Variants in RYK observed in about 807,000 individuals in gnomAD.
RYK encodes the protein receptor like tyrosine kinase.
Under a neutral mutation model 70.2 loss-of-function variants are expected in RYK, and 21 were observed. The ratio of observed to expected loss-of-function variants is 0.30; its 90% CI spans 0.21 to 0.43. The LOEUF (loss-of-function observed/expected upper bound fraction) is 0.43. Ranked by LOEUF, RYK falls within the 20% of genes least tolerant of loss-of-function variation. RYK has a pLI of 1.00. For synonymous variants in RYK, 267 were observed against 278.0 expected, an observed-to-expected ratio of 0.96 and a Z score of 0.39; for missense variants, 604 against 753.3, an observed-to-expected ratio of 0.80 and a Z score of 2.32.
chr3:134,202,682 A>G (rs776043774), intron 6 of RYK, 48 bp downstream of exon 6: 4 of 1,574,066 alleles, frequency 2.5e-6, no homozygotes, highest in African/African-American at 1.4e-5. Context: ...CCACATATAT[A>G]CAAATAACTG....
intron 5 of RYK, among the ~76,000 whole-genome samples, chr3:134,204,532 AAGAG>A (rs1029543394): frequency 2.6e-5 from 4 of 151,360 alleles, no homozygotes; most frequent in Admixed American, 6.6e-5. Context: ...ATATATAAAT[AAGAG>A]AGACAAAAAG....
intron 6 of RYK, among the ~76,000 whole-genome samples, chr3:134,196,094 G>T (rs62271183): frequency 0.27 from 40,503 of 151,866 alleles, 5,970 homozygotes; most frequent in Non-Finnish European, 0.33. Context: ...AATAATACAG[G>T]ACACCAAGAA....
chr3:134,242,981 G>A (rs1030710922), intron 1 of RYK, among the ~76,000 whole-genome samples: 2 of 152,180 alleles, frequency 1.3e-5, no homozygotes, highest in Non-Finnish European at 2.9e-5. Flanking sequence ...TTGCTGCAGA[G>A]TGCTAACCTC....
intron 13 of RYK, among the ~76,000 whole-genome samples, chr3:134,164,134 C>T (rs2012575935): frequency 1.3e-5 from 2 of 152,152 alleles, no homozygotes; most frequent in African/African-American, 2.4e-5. Context: ...CCATGACAGG[C>T]CTGGATCACA....
rs147542952 is a variant in RYK, at chr3:134,185,087, T to C, written c.1103-2016A>G. ...AGGTTGAGGCTGCAGTGAGCTATGA[T>C]TGTGCCACTGCACTCCAGCCTGGGT... On this transcript the variant is annotated intron_variant, in intron 9 of 14. Coordinates refer to ENST00000623711, the MANE Select transcript of RYK (RefSeq NM_002958.4). Among the ~76,000 whole-genome samples, 525 of 151,860 alleles carry C rather than the reference T, an allele frequency of 3.5e-3. 2 individuals are homozygous for C. The highest frequency in any genetic ancestry group is 0.012 in the African/African-American group (501 of 41,480).
At chr3:134,237,013 T>C (rs1174032105) in intron 1 of RYK, among the ~76,000 whole-genome samples, 1 of 152,196 alleles carries the variant, frequency 6.6e-6, no homozygotes, top group African/African-American at 2.4e-5. Flanking sequence ...TTAGAAAGCA[T>C]GGCATTTTTT....
chr3:134,221,196 CTTTTTTTTTTTTT>C (rs71139519), intron 2 of RYK, among the ~76,000 whole-genome samples: 21 of 78,588 alleles, frequency 2.7e-4, no homozygotes, highest in African/African-American at 1.1e-3. Context: ...AGTTCTTTTT[CTTTTTTTTTTTTT>C]TTTTTTTTTT....
Position 134,204,591 on chromosome 3 carries a change from CCACACACACACACACACACACA to C in RYK, c.644-1739_644-1718del, listed in dbSNP as rs59154111. Among the ~76,000 whole-genome samples the C allele has an allele frequency of 2.8e-5, 4 of 140,784 alleles. No homozygotes were observed. In the South Asian group the frequency reaches 9.5e-4, roughly 33 times the overall value. The allele number at this position is 140,784 out of a possible 152,430, so 92.4% of individuals were successfully genotyped here. A position where few individuals can be genotyped will look rare whatever the true frequency, so the allele number is the denominator to read the frequency against. ...AAATAACCCAATGACACAGCCACAG[CCACACACACACACACACACACA>C]CACACACACACACACGCAGAAGCAA... On this transcript the variant is annotated intron_variant, in intron 5 of 14. Coordinates refer to ENST00000623711, the MANE Select transcript of RYK (RefSeq NM_002958.4).
intron 1 of RYK, among the ~76,000 whole-genome samples, chr3:134,233,636 T>C (rs1358069678): frequency 6.6e-6 from 1 of 152,204 alleles, no homozygotes; most frequent in African/African-American, 2.4e-5. Flanking sequence ...CAGTTTATCT[T>C]TCTTTGGAGG....
At chr3:134,162,782 T>C (rs1412181842) in intron 13 of RYK, among the ~76,000 whole-genome samples, 1 of 152,092 alleles carries the variant, frequency 6.6e-6, no homozygotes, top group Non-Finnish European at 1.5e-5. Flanking sequence ...AGAAGGTAGT[T>C]CCCTGCACAG....
At chr3:134,184,556 C>T (rs1413892412) in intron 9 of RYK, among the ~76,000 whole-genome samples, 1 of 152,106 alleles carries the variant, frequency 6.6e-6, no homozygotes, top group Non-Finnish European at 1.5e-5. Context: ...AAGTCAGGAG[C>T]TCAAGATCAG....
At chr3:134,179,154 T>C (rs1011636217) in intron 10 of RYK, 1 of 152,166 alleles carries the variant, frequency 6.6e-6, no homozygotes, top group Non-Finnish European at 1.5e-5. Context: ...ATTTGCAAGA[T>C]AATTATAAAA....
At chr3:134,231,553 T>C (rs1279447148) in intron 1 of RYK, among the ~76,000 whole-genome samples, 1 of 152,232 alleles carries the variant, frequency 6.6e-6, no homozygotes, top group Non-Finnish European at 1.5e-5. Context: ...GACTTCAACT[T>C]GTGCTAGTAG....
chr3:134,205,346 T>TC (rs2014183806), intron 5 of RYK, among the ~76,000 whole-genome samples: 1 of 152,160 alleles, frequency 6.6e-6, no homozygotes, highest in South Asian at 2.1e-4. Context: ...AATTTAACCT[T>TC]CCTATCAACA....
intron 9 of RYK, among the ~76,000 whole-genome samples, chr3:134,188,174 T>A (rs1365276625): frequency 3.4e-5 from 5 of 148,076 alleles, no homozygotes; most frequent in Non-Finnish European, 6.0e-5. Flanking sequence ...TATATTTTTT[T>A]TTTTTTTTGA....
chr3:134,198,356 A>T (rs1341011510), intron 6 of RYK, among the ~76,000 whole-genome samples: 1 of 152,244 alleles, frequency 6.6e-6, no homozygotes, highest in African/African-American at 2.4e-5. Flanking sequence ...CACTTCATCC[A>T]TTCATTCCAC....
intron 11 of RYK, among the ~76,000 whole-genome samples, chr3:134,176,941 G>A (rs1028592489): frequency 6.6e-6 from 1 of 151,766 alleles, no homozygotes; most frequent in Admixed American, 6.6e-5. Flanking sequence ...CCAGCTACTC[G>A]GGAGGCTGAG....
At chr3:134,189,740 C>CAA (rs57016937) in intron 8 of RYK, among the ~76,000 whole-genome samples, 14 of 92,666 alleles carry the variant, frequency 1.5e-4, no homozygotes, top group South Asian at 3.8e-4. Flanking sequence ...GAGACTCCGC[C>CAA]AAAAAAAAAA....
intron 13 of RYK, among the ~76,000 whole-genome samples, chr3:134,173,361 T>G (rs2012987156): frequency 6.6e-6 from 1 of 152,194 alleles, no homozygotes; most frequent in East Asian, 1.9e-4. Flanking sequence ...ATACTTGGTA[T>G]GTAAAAGGAG....
Sources: gnomAD v4.1 joint callset for allele counts (sites outside exome capture counted in the v4.1 genomes callset) on GRCh38, gnomAD v4.1.1 for gene constraint, MANE v1.5 for transcripts, NCBI Gene and HGNC (gene_info 2026-07-23, HGNC 2026-07-21) for gene names.